CHML: variants seen among roughly 807,000 people sequenced by gnomAD.
CHML encodes the protein rab proteins geranylgeranyltransferase component A 2.
A neutral mutation model predicts 30.4 loss-of-function variants in CHML; 20 were observed. The observed-to-expected ratio is 0.66, with a 90% CI of 0.46 to 0.95. The LOEUF is 0.95. Among genes scored for constraint, CHML ranks in the 40% least tolerant of loss-of-function variants. The pLI, the probability that CHML is intolerant of heterozygous loss-of-function variation, is 0.00. For synonymous variants in CHML, 281 were observed against 275.0 expected (o/e 1.02, Z -0.22); for missense variants, 795 against 768.5 (o/e 1.03, Z -0.41).
rs998597823 is a variant in CHML at position 241,632,869 on chromosome 1, ACT to A, written c.*925_*926del. On this transcript the variant is annotated 3_prime_UTR_variant, in exon 2 of 2. Transcript: ENST00000366553. The stretch of plus-strand genomic sequence containing the variant: ...TGTAATCTCAGGTTAAAAAGGCCTC[ACT>A]CTGTTTCTCCTTAGGAATTCCTAAG... 31 of 152,132 alleles carry A rather than the reference ACT, an allele frequency of 2.0e-4. No individual in the cohort carries two copies. The highest frequency in any genetic ancestry group is 7.0e-4 in the African/African-American group (29 of 41,516). 9.4% of individuals were successfully genotyped at this position (152,132 alleles called of 1,614,324 possible). A position where few individuals can be genotyped will look rare whatever the true frequency, so the allele number is the denominator to read the frequency against.
chr1:241,640,283 G>A lies in CHML; in HGVS notation c.-709C>T, dbSNP rs1304631055. ...CCGGCGCCGGCGCGCCTGGCGGGCG[G>A]AGGCGCTCAGCTTGCGGCGGGGCTC... On this transcript the variant is annotated 5_prime_UTR_variant, in exon 1 of 2. Transcript: ENST00000366553. 5.2e-6 allele frequency: 6 copies of A among 1,161,146 alleles called. No individual in the cohort carries two copies. Among genetic ancestry groups the A allele is most frequent in the African/African-American group, 1.6e-5 (1 of 61,416 alleles). The allele number at this position is 1,161,146 out of a possible 1,614,324, so 71.9% of individuals were successfully genotyped here. A position where few individuals can be genotyped will look rare whatever the true frequency, so the allele number is the denominator to read the frequency against.
intron 1 of CHML, chr1:241,639,203 C>T (rs923885150): frequency 5.3e-5 from 8 of 152,176 alleles, no homozygotes; most frequent in Non-Finnish European, 8.8e-5. Context: ...ATTGGCTGAG[C>T]CATTTGTAAT....
In CHML at chr1:241,640,248, A is replaced by C; in HGVS notation, c.-674T>G. The C allele has an allele frequency of 1.6e-6, 2 of 1,256,866 alleles. No individual in the cohort carries two copies. The highest frequency in any genetic ancestry group is 2.0e-6 in the Non-Finnish European group (2 of 1,005,570). The allele number at this position is 1,256,866 out of a possible 1,614,324, so 77.9% of individuals were successfully genotyped here. The stretch of plus-strand genomic sequence containing the variant: ...CCGTGGCCGCCGCTGCGGTTCCCCG[A>C]GTACATGGCCCGGCGCCGGCGCGCC... On this transcript the variant is annotated 5_prime_UTR_variant, in exon 1 of 2. Coordinates refer to ENST00000366553, the MANE Select transcript of CHML (RefSeq NM_001381853.1).
At chr1:241,636,419 C>A (rs1359136381) in intron 1 of CHML, among the ~76,000 whole-genome samples, 1 of 152,198 alleles carries the variant, frequency 6.6e-6, no homozygotes, top group African/African-American at 2.4e-5. Context: ...AAAAGGAACG[C>A]ATGGCTCCAC....
In CHML at chr1:241,635,058, G is replaced by T. The variant is rs1429544236; in HGVS notation, c.709C>A (p.Leu237Met). 4.3e-6 allele frequency: 7 copies of T among 1,612,878 alleles called. No individual in the cohort carries two copies. The Middle Eastern group carries it at 4.9e-4, about 114-fold the overall frequency. Residue 237 changes from leucine (L) to methionine (M), a missense_variant, in exon 2 of 2, where the codon CTG becomes ATG. Physicochemically the swap from Leu to Met is conservative, Grantham distance 15. Coordinates refer to ENST00000366553, the MANE Select transcript of CHML (RefSeq NM_001381853.1). ...ATTAGCAATCCTTGAGAATACAGCAGTTTTGACACCAAATCAATATTAAAC... is the reference window on the plus strand; with the variant it reads ...ATTAGCAATCCTTGAGAATACAGCATTTTTGACACCAAATCAATATTAAAC... ...RRFNIDLVSK[L>M]LYSQGLLIDL... is the part of the protein sequence containing the mutation.
At position 241,634,200 on chromosome 1, in the gene CHML, C is replaced by T; in HGVS notation, c.1567G>A (p.Glu523Lys). 6.2e-7 allele frequency: 1 copy of T among 1,613,974 alleles called. No individual in the cohort carries two copies. ...SSSKTAREDL[E>K]SVVKKLFTPY... Reference sequence around the variant, plus strand: ...GTGAATAATTTCTTCACCACTGATTCTAAGTCTTCTCTTGCTGTTTTAGAA... The same window carrying T: ...GTGAATAATTTCTTCACCACTGATTTTAAGTCTTCTCTTGCTGTTTTAGAA... The change falls in exon 2 of 2, where the codon GAA becomes AAA. Residue 523 changes from glutamate to lysine, a missense_variant. Physicochemically the swap from Glu to Lys is moderately conservative, Grantham distance 56. Transcript: ENST00000366553.
Position 241,634,838 on chromosome 1 carries a change from T to A in CHML, c.929A>T (p.His310Leu). ...FLTFCLEYEQ[H>L]PDEYQAFRQC... is the part of the protein sequence containing the mutation. ...CCTGAAAGCTTGGTATTCATCAGGA[T>A]GTTGTTCATACTCTAAACAAAATGT... Residue 310 changes from histidine to leucine, a missense_variant, in exon 2 of 2, where the codon CAT becomes CTT. Transcript: ENST00000366553. 6.2e-7 allele frequency: 1 copy of A among 1,612,758 alleles called. No individual in the cohort carries two copies. Among genetic ancestry groups the A allele is most frequent in the Non-Finnish European group, 8.5e-7 (1 of 1,179,430 alleles).
At chr1:241,637,915 C>T (rs1664961814) in intron 1 of CHML, among the ~76,000 whole-genome samples, 1 of 152,162 alleles carries the variant, frequency 6.6e-6, no homozygotes, top group African/African-American at 2.4e-5. Context: ...AACTTCCTCC[C>T]CTTCAATACT....
Position 241,634,320 on chromosome 1 carries a change from C to G in CHML, c.1447G>C (p.Glu483Gln), listed in dbSNP as rs1028233433. 3 of 1,613,890 alleles carry G rather than the reference C, an allele frequency of 1.9e-6. No individual in the cohort carries two copies. The African/African-American group carries it at 4.0e-5, about 22-fold the overall frequency. ...ACCCGTACAGCACAAGCTCCTGGCT[C>G]TGCTGGAGGAACTATCAGAATGGAA... ...QTSILIVPPA[E>Q]PGACAVRVTE... Residue 483 changes from glutamate (E) to glutamine (Q), a missense_variant, in exon 2 of 2, where the codon GAG (glutamate) becomes CAG (glutamine). Transcript: ENST00000366553.
Position 241,634,713 on chromosome 1 carries a change from T to G in CHML, c.1054A>C (p.Thr352Pro), listed in dbSNP as rs758898457. ...SIAMTSESSC[T>P]TIDGLNATKN... ...GTTGCGTTAAGACCATCTATTGTAG[T>G]GCAAGATGATTCTGATGTCATTGCA... The change falls in exon 2 of 2, where the codon ACT (threonine) becomes CCT (proline). Residue 352 changes from threonine (T) to proline (P), a missense_variant. Physicochemically the swap from Thr to Pro is conservative, Grantham distance 38. Transcript: ENST00000366553. The G allele has an allele frequency of 1.2e-6, 2 of 1,614,024 alleles. No homozygotes were observed. Among genetic ancestry groups the G allele is most frequent in the Admixed American group, 1.7e-5 (1 of 60,022 alleles).
chr1:241,635,189 T>C lies in CHML; in HGVS notation c.578A>G (p.Asp193Gly). The C allele has an allele frequency of 6.2e-7, 1 of 1,613,180 alleles. No individual in the cohort carries two copies. Among genetic ancestry groups the C allele is most frequent in the Non-Finnish European group, 8.5e-7 (1 of 1,179,914 alleles). The change falls in exon 2 of 2, where the codon GAT (aspartate) becomes GGT (glycine). Residue 193 changes from aspartate (D) to glycine (G), a missense_variant. Transcript: ENST00000366553. ...GCTTTCATCTTTATCTCCATCTTTA[T>C]CTGAAACTGTGTGCATACAAGTTTT... The part of the protein sequence containing the change: ...GDKTCMHTVS[D>G]KDGDKDESKS...
Position 241,634,408 on chromosome 1 carries a change from C to T in CHML, c.1359G>A (p.Gln453=), listed in dbSNP as rs746772887. The T allele has an allele frequency of 1.2e-6, 2 of 1,613,802 alleles. No individual in the cohort carries two copies. The highest frequency in any genetic ancestry group is 1.7e-6 in the Non-Finnish European group (2 of 1,179,926). ...CTGTAATGAGTACTGCCCTAGAGAT[C>T]TGCTTATACTGCACATTTGAGCATG... is the stretch of plus-strand genomic sequence containing the variant. ...EETCSNVQYK[Q]ISRAVLITDQ... is the part of the protein sequence containing the mutation. The change falls in exon 2 of 2, where the codon CAG becomes CAA. Residue 453 remains glutamine (Q), a synonymous_variant. Transcript: ENST00000366553.
At chr1:241,636,988 A>C (rs537645783) in intron 1 of CHML, among the ~76,000 whole-genome samples, 1 of 152,286 alleles carries the variant, frequency 6.6e-6, no homozygotes, top group African/African-American at 2.4e-5. Context: ...TCTCCTGTTA[A>C]CTTTGAGCAT....
At position 241,635,918 on chromosome 1, in the gene CHML, T is replaced by A. The variant is rs1664881190; in HGVS notation, c.-152A>T. The A allele has an allele frequency of 3.5e-5, 24 of 689,246 alleles. 1 individual carries two copies. In the South Asian group the frequency reaches 5.3e-4, roughly 15 times the overall value. 42.7% of individuals were successfully genotyped at this position (689,246 alleles called of 1,614,324 possible). A position where few individuals can be genotyped will look rare whatever the true frequency, so the allele number is the denominator to read the frequency against. ...GTTTAACGGTTACCCTTTTAAAATA[T>A]TTTTTTTCTTATAAGTCAGTAGCAT... On this transcript the variant is annotated 5_prime_UTR_variant, in exon 2 of 2. Transcript: ENST00000366553.
chr1:241,640,270 C>A lies in CHML; in HGVS notation c.-696G>T. On this transcript the variant is annotated 5_prime_UTR_variant, in exon 1 of 2. Transcript: ENST00000366553. ...CCGAGTACATGGCCCGGCGCCGGCG[C>A]GCCTGGCGGGCGGAGGCGCTCAGCT... is the stretch of plus-strand genomic sequence containing the variant. The A allele has an allele frequency of 2.5e-6, 3 of 1,184,876 alleles. No individual in the cohort carries two copies. The highest frequency in any genetic ancestry group is 3.1e-6 in the Non-Finnish European group (3 of 959,920). The allele number at this position is 1,184,876 out of a possible 1,614,324, so 73.4% of individuals were successfully genotyped here.
intron 1 of CHML, among the ~76,000 whole-genome samples, chr1:241,636,818 T>C (rs1254711074): frequency 1.3e-5 from 2 of 152,194 alleles, no homozygotes; most frequent in Admixed American, 1.3e-4. Context: ...TACCTACTTC[T>C]AACATTTGAA....
Position 241,636,003 on chromosome 1 carries a change from C to T in CHML, c.-237G>A, listed in dbSNP as rs1348294315. 1.2e-5 allele frequency: 6 copies of T among 486,848 alleles called. No homozygotes were observed. 30.2% of individuals were successfully genotyped at this position (486,848 alleles called of 1,614,324 possible). The stretch of plus-strand genomic sequence containing the variant: ...GAATACTAAAATGGATGTGTGGTTT[C>T]ATTTCTGCATTTCATCTTAGCAGTA... On this transcript the variant is annotated 5_prime_UTR_variant, in exon 2 of 2. It removes an upstream start codon present in the reference 5' UTR. Coordinates refer to ENST00000366553, the MANE Select transcript of CHML (RefSeq NM_001381853.1).
In CHML at chr1:241,634,019, CCA is replaced by C. The variant is rs756106840; in HGVS notation, c.1746_1747del (p.Cys582TrpfsTer5). 6.2e-7 allele frequency: 1 copy of C among 1,613,690 alleles called. No homozygotes were observed. Among genetic ancestry groups the C allele is most frequent in the African/African-American group, 1.3e-5 (1 of 74,878 alleles). On this transcript the variant is annotated frameshift_variant, in exon 2 of 2. Transcript: ENST00000366553. LOFTEE classifies it high-confidence loss of function. ...CTTGACAGCATGCTCATTTCCCAGGCCACAGTCAGGCCCAGAGCAGACATAAA... is the reference window on the plus strand; with the variant it reads ...CTTGACAGCATGCTCATTTCCCAGGCCAGTCAGGCCCAGAGCAGACATAAA...
In CHML at chr1:241,633,617, C is replaced by T. The variant is rs1174038037; in HGVS notation, c.*179G>A. ...AAAATGTTCAATAATCAATAAATCA[C>T]TCATTGATAGGTTAACAAAGATATT... On this transcript the variant is annotated 3_prime_UTR_variant, in exon 2 of 2. Coordinates refer to ENST00000366553, the MANE Select transcript of CHML (RefSeq NM_001381853.1). 1.1e-5 allele frequency: 7 copies of T among 666,240 alleles called. No individual in the cohort carries two copies. Among genetic ancestry groups the T allele is most frequent in the Non-Finnish European group, 1.8e-5 (7 of 398,364 alleles). The allele number at this position is 666,240 out of a possible 1,614,324, so 41.3% of individuals were successfully genotyped here.
Sources: gnomAD v4.1 joint callset for allele counts (sites outside exome capture counted in the v4.1 genomes callset) on GRCh38, gnomAD v4.1.1 for gene constraint, MANE v1.5 for transcripts, NCBI Gene and HGNC (gene_info 2026-07-23, HGNC 2026-07-21) for gene names.